CYP2J2: variants seen among roughly 807,000 people sequenced by gnomAD.
The protein encoded by CYP2J2 is cytochrome P450 family 2 subfamily J member 2.
CYP2J2 carries 41 observed loss-of-function variants against 48.8 expected under a neutral mutation model. That is an observed-to-expected ratio of 0.84 (90% CI 0.66 to 1.09). The LOEUF (loss-of-function observed/expected upper bound fraction) is 1.09, where lower values mean the gene tolerates loss of function less well. CYP2J2 is among the 50% of genes least tolerant of loss of function. The probability of loss-of-function intolerance (pLI) is 0.00; values close to 1 mark genes in which losing one functional copy is unlikely to be tolerated. For missense variants in CYP2J2, 644 were observed against 617.3 expected (o/e 1.04, Z -0.46); for synonymous variants, 221 against 227.1 (o/e 0.97, Z 0.24).
chr1:59,940,410 G>A, the CYP2J2 span, among the ~76,000 whole-genome samples: 1 of 152,184 alleles, frequency 6.6e-6, no homozygotes, highest in Admixed American at 6.5e-5. Context: ...TCTGACTGGT[G>A]CCCTGTCCTA....
chr1:59,935,029 T>TATATATATACAC, the CYP2J2 span, among the ~76,000 whole-genome samples: 1 of 100,916 alleles, frequency 9.9e-6, no homozygotes, highest in African/African-American at 4.0e-5. Context: ...TATATATATA[T>TATATATATACAC]ATATATATAT....
At chr1:59,907,741 G>A in intron 6 of CYP2J2, 45 bp downstream of exon 6, 1 of 1,605,444 alleles carries the variant, frequency 6.2e-7, no homozygotes, top group Non-Finnish European at 8.5e-7. Context: ...CATCCCAGGA[G>A]GCACTATTCT....
the CYP2J2 span, among the ~76,000 whole-genome samples, chr1:59,965,115 G>C: frequency 6.6e-6 from 1 of 152,226 alleles, no homozygotes; most frequent in African/African-American, 2.4e-5. Flanking sequence ...TAGATGAGCT[G>C]AATTGTCATT....
chr1:59,935,023 T>TATACAC, the CYP2J2 span, among the ~76,000 whole-genome samples: 2 of 75,320 alleles, frequency 2.7e-5, no homozygotes, highest in Non-Finnish European at 5.7e-5. Context: ...TACATATATA[T>TATACAC]ATATATATAT....
the CYP2J2 span, among the ~76,000 whole-genome samples, chr1:59,964,285 G>C: frequency 1.3e-5 from 2 of 152,208 alleles, no homozygotes; most frequent in African/African-American, 4.8e-5. Flanking sequence ...GCCTGGCACT[G>C]ACAGTGTGGG....
chr1:59,943,520 C>T, the CYP2J2 span, among the ~76,000 whole-genome samples: 1 of 152,168 alleles, frequency 6.6e-6, no homozygotes, highest in East Asian at 1.9e-4. Flanking sequence ...AGACAGGCTA[C>T]AGGTAAACAA....
the CYP2J2 span, among the ~76,000 whole-genome samples, chr1:59,947,370 T>C: frequency 6.6e-6 from 1 of 152,156 alleles, no homozygotes; most frequent in Admixed American, 6.6e-5. Flanking sequence ...TAAAGCATCA[T>C]TAACTGCAGA....
chr1:59,968,240 T>G, the CYP2J2 span, among the ~76,000 whole-genome samples: 9 of 152,140 alleles, frequency 5.9e-5, no homozygotes, highest in African/African-American at 1.9e-4. Flanking sequence ...AAACAAGAGA[T>G]GAGATTATTT....
chr1:59,950,546 A>G, the CYP2J2 span, among the ~76,000 whole-genome samples: 1 of 152,198 alleles, frequency 6.6e-6, no homozygotes, highest in Non-Finnish European at 1.5e-5. Context: ...AAACTCTGCC[A>G]TCTCTTGCAG....
intron 8 of CYP2J2, among the ~76,000 whole-genome samples, chr1:59,900,454 G>T (rs1161354909): frequency 6.6e-6 from 1 of 152,158 alleles, no homozygotes; most frequent in South Asian, 2.1e-4. Flanking sequence ...CCAACATGGT[G>T]AAACCTCGTC....
intron 7 of CYP2J2, among the ~76,000 whole-genome samples, chr1:59,902,203 C>A (rs1644326013): frequency 6.6e-6 from 1 of 151,906 alleles, no homozygotes. Flanking sequence ...GAAGCCTTCC[C>A]TGACCACTCC....
At chr1:59,893,911 C>A in intron 8 of CYP2J2, 82 bp from the exon 9 acceptor site, 1 of 1,377,990 alleles carries the variant, frequency 7.3e-7, no homozygotes, top group East Asian at 2.4e-5. Flanking sequence ...AATCATATCC[C>A]CAAAAAAATG....
At chr1:59,964,967 A>G in the CYP2J2 span, among the ~76,000 whole-genome samples, 1 of 152,240 alleles carries the variant, frequency 6.6e-6, no homozygotes, top group Non-Finnish European at 1.5e-5. Context: ...ATGGAAGCTT[A>G]GGCCAGAATG....
At chr1:59,961,342 A>C in the CYP2J2 span, among the ~76,000 whole-genome samples, 14 of 152,208 alleles carry the variant, frequency 9.2e-5, no homozygotes, top group Non-Finnish European at 1.6e-4. Flanking sequence ...ATTTTTCCAA[A>C]GATGTATGAG....
At chr1:59,966,195 T>C in the CYP2J2 span, among the ~76,000 whole-genome samples, 1 of 152,202 alleles carries the variant, frequency 6.6e-6, no homozygotes, top group East Asian at 1.9e-4. Context: ...CTTGATTCTG[T>C]CTTATGGTAA....
chr1:59,964,993 CAAG>C, the CYP2J2 span, among the ~76,000 whole-genome samples: 1 of 152,006 alleles, frequency 6.6e-6, no homozygotes, highest in Admixed American at 6.6e-5. Context: ...TGAAAGATCA[CAAG>C]AATAGGTCAG....
chr1:59,935,025 T>TACACACAC, the CYP2J2 span, among the ~76,000 whole-genome samples: 3 of 85,846 alleles, frequency 3.5e-5, no homozygotes, highest in Admixed American at 2.4e-4. Context: ...CATATATATA[T>TACACACAC]ATATATATAT....
intron 1 of CYP2J2, among the ~76,000 whole-genome samples, chr1:59,917,666 A>G (rs1644478649): frequency 6.6e-6 from 1 of 152,212 alleles, no homozygotes; most frequent in African/African-American, 2.4e-5. Context: ...ATGTTCATGA[A>G]TGTGCACAAG....
At chr1:59,965,532 T>C in the CYP2J2 span, among the ~76,000 whole-genome samples, 1 of 152,230 alleles carries the variant, frequency 6.6e-6, no homozygotes, top group Non-Finnish European at 1.5e-5. Flanking sequence ...CGACATGGAC[T>C]TTCCTAAGTA....
Sources: allele counts gnomAD v4.1 joint callset (sites outside exome capture counted in the v4.1 genomes callset), GRCh38; gene constraint gnomAD v4.1.1; transcripts MANE v1.5; gene names NCBI Gene and HGNC (gene_info 2026-07-23, HGNC 2026-07-21).